NELL2: variants seen among roughly 807,000 people sequenced by gnomAD.
NELL2 encodes protein kinase C-binding protein NELL2.
A neutral mutation model predicts 109.6 loss-of-function variants in NELL2; 41 were observed. The ratio of observed to expected loss-of-function variants is 0.37; its 90% CI spans 0.29 to 0.49. The LOEUF (loss-of-function observed/expected upper bound fraction) is 0.49, where lower values mean the gene tolerates loss of function less well. Ranked by LOEUF, NELL2 falls within the 20% of genes least tolerant of loss-of-function variation. The pLI is 0.98. For synonymous variants in NELL2, 355 were observed against 344.7 expected (o/e 1.03, Z -0.33); for missense variants, 900 against 1,008.3 (o/e 0.89, Z 1.45).
At chr12:44,618,723 A>G (rs1945927887) in intron 13 of NELL2, among the ~76,000 whole-genome samples, 1 of 152,188 alleles carries the variant, frequency 6.6e-6, no homozygotes, top group South Asian at 2.1e-4. Context: ...TGATACGAAT[A>G]GATAACTAAC....
chr12:44,665,311 G>GT lies in NELL2; in HGVS notation c.1444+172dup, dbSNP rs566700335. The GT allele has an allele frequency of 4.3e-4, 206 of 480,954 alleles. 1 individual carries two copies. Among genetic ancestry groups the GT allele is most frequent in the Middle Eastern group, 1.2e-3 (2 of 1,682 alleles). 29.8% of individuals were successfully genotyped at this position (480,954 alleles called of 1,614,324 possible). A position where few individuals can be genotyped will look rare whatever the true frequency, so the allele number is the denominator to read the frequency against. On this transcript the variant is annotated intron_variant, in intron 13 of 19. Transcript: ENST00000429094. ...ATATATTTATCCAGAGCAAGCAGGT[G>GT]TTTTTTTTCTTTAGAACAGATTAAG...
Position 44,714,692 on chromosome 12 carries a change from T to G in NELL2, c.1044A>C (p.Thr348=), listed in dbSNP as rs1293933870. 6.2e-7 allele frequency: 1 copy of G among 1,604,368 alleles called. No individual in the cohort carries two copies. The highest frequency in any genetic ancestry group is 8.5e-7 in the Non-Finnish European group (1 of 1,176,254). The stretch of plus-strand genomic sequence containing the variant: ...CACATACTCCAGAAGAGGAATAGAC[T>G]GTATTTCTTTCTCCTTCAAAGTAGG... The part of the protein sequence containing the change: ...GRTYFEGERN[T]VYSSSGVCVL... Residue 348 remains threonine (T), a synonymous_variant, in exon 10 of 20, where the codon ACA becomes ACC. Coordinates refer to ENST00000429094, the MANE Select transcript of NELL2 (RefSeq NM_001145108.2).
At chr12:44,550,250 T>TA (rs1208981150) in intron 15 of NELL2, among the ~76,000 whole-genome samples, 1 of 151,924 alleles carries the variant, frequency 6.6e-6, no homozygotes, top group Non-Finnish European at 1.5e-5. Flanking sequence ...AACTTAAAAT[T>TA]AAAAAATCAA....
intron 15 of NELL2, among the ~76,000 whole-genome samples, chr12:44,544,131 G>A (rs538153423): frequency 2.6e-5 from 4 of 152,192 alleles, no homozygotes; most frequent in Admixed American, 1.3e-4. Flanking sequence ...GATACGATGC[G>A]AAATGAAGGT....
At position 44,768,292 on chromosome 12, in the gene NELL2, T is replaced by A. The variant is rs192002773; in HGVS notation, c.994+6455A>T. ...TTATAATGTTTAAAAGGTAGCAGCA[T>A]GCCAAGTGCCTTTTTAAAGGGTTTT... is the stretch of plus-strand genomic sequence containing the variant. On this transcript the variant is annotated intron_variant, in intron 9 of 19. Coordinates refer to ENST00000429094, the MANE Select transcript of NELL2 (RefSeq NM_001145108.2). Among the ~76,000 whole-genome samples the A allele has an allele frequency of 9.4e-5, 14 of 149,486 alleles. 1 individual carries two copies. The South Asian group carries it at 3.0e-3, about 32-fold the overall frequency.
rs34038469 is a variant in NELL2 at position 44,868,119 on chromosome 12, CAAAAAAAAAAAA to C, written c.184+7094_184+7105del. On this transcript the variant is annotated intron_variant, in intron 2 of 19. Coordinates refer to ENST00000429094, the MANE Select transcript of NELL2 (RefSeq NM_001145108.2). ...TAGGTGAAACAGTGAGGCTCCATCT[CAAAAAAAAAAAA>C]AAAAAAAAAAAATGAACTACCTGAA... Among the ~76,000 whole-genome samples the C allele has an allele frequency of 1.2e-3, 77 of 64,684 alleles. 1 individual carries two copies. Among genetic ancestry groups the C allele is most frequent in the African/African-American group, 4.9e-3 (73 of 15,038 alleles). The allele number at this position is 64,684 out of a possible 152,430, so 42.4% of individuals were successfully genotyped here. A position where few individuals can be genotyped will look rare whatever the true frequency, so the allele number is the denominator to read the frequency against.
chr12:44,847,731 G>T (rs913173417), intron 2 of NELL2, among the ~76,000 whole-genome samples: 1 of 151,904 alleles, frequency 6.6e-6, no homozygotes, highest in Non-Finnish European at 1.5e-5. Context: ...CTCTCTTGGG[G>T]TTTTGGCCTG....
intron 3 of NELL2, among the ~76,000 whole-genome samples, chr12:44,814,809 A>G (rs1336565405): frequency 6.6e-6 from 1 of 152,202 alleles, no homozygotes; most frequent in Non-Finnish European, 1.5e-5. Context: ...AGATTTTCTT[A>G]CGTTTGCTCT....
At position 44,876,205 on chromosome 12, in the gene NELL2, G is replaced by A. The variant is rs559693442; in HGVS notation, c.-336C>T. 9.1e-5 allele frequency: 110 copies of A among 1,209,076 alleles called. 1 individual carries two copies. The South Asian group carries it at 2.5e-3, about 28-fold the overall frequency. The allele number at this position is 1,209,076 out of a possible 1,614,324, so 74.9% of individuals were successfully genotyped here. A position where few individuals can be genotyped will look rare whatever the true frequency, so the allele number is the denominator to read the frequency against. On this transcript the variant is annotated 5_prime_UTR_variant, in exon 1 of 20. Transcript: ENST00000429094. ...CCCGAGCCGAATAAAAGCAGCCAAAGACTCGCACACCCGGTAGAAGGGGGG... is the reference window on the plus strand; with the variant it reads ...CCCGAGCCGAATAAAAGCAGCCAAAAACTCGCACACCCGGTAGAAGGGGGG...
At chr12:44,516,658 T>C (rs905829624) in intron 19 of NELL2, among the ~76,000 whole-genome samples, 9 of 152,272 alleles carry the variant, frequency 5.9e-5, no homozygotes, top group Admixed American at 2.6e-4. Context: ...GGGGAAATAA[T>C]TGCTTTCCAA....
intron 13 of NELL2, among the ~76,000 whole-genome samples, chr12:44,629,361 ATC>A: frequency 6.6e-6 from 1 of 152,370 alleles, no homozygotes; most frequent in South Asian, 2.1e-4. Context: ...CAATAGAATT[ATC>A]TAAAATCAGA....
intron 9 of NELL2, among the ~76,000 whole-genome samples, chr12:44,766,254 A>C (rs534095025): frequency 3.9e-5 from 6 of 152,314 alleles, no homozygotes; most frequent in African/African-American, 1.4e-4. Context: ...AAATATGTAC[A>C]GAAAACTGAA....
intron 2 of NELL2, among the ~76,000 whole-genome samples, chr12:44,827,474 A>T (rs1485636852): frequency 3.4e-5 from 5 of 146,592 alleles, no homozygotes; most frequent in Non-Finnish European, 6.0e-5. Context: ...CCCCCACCCA[A>T]CAATCCTTCC....
intron 12 of NELL2, among the ~76,000 whole-genome samples, chr12:44,680,268 G>A (rs1486157148): frequency 6.6e-6 from 1 of 152,174 alleles, no homozygotes; most frequent in Non-Finnish European, 1.5e-5. Context: ...TGACTGGATT[G>A]CATTGTTAGT....
intron 9 of NELL2, among the ~76,000 whole-genome samples, chr12:44,769,869 C>A (rs1941478939): frequency 6.6e-6 from 1 of 152,060 alleles, no homozygotes; most frequent in Admixed American, 6.6e-5. Context: ...TATGGATGAG[C>A]CTCACAAAGG....
intron 9 of NELL2, among the ~76,000 whole-genome samples, chr12:44,740,788 T>C (rs1939912805): frequency 1.3e-5 from 2 of 152,170 alleles, no homozygotes; most frequent in Admixed American, 6.5e-5. Flanking sequence ...TATGTGCCTC[T>C]GAATTTTAGA....
chr12:44,621,559 T>C (rs939400864), intron 13 of NELL2, among the ~76,000 whole-genome samples: 14 of 152,082 alleles, frequency 9.2e-5, no homozygotes, highest in African/African-American at 3.1e-4. Context: ...ATATGACCAT[T>C]CAAACCAAAT....
At chr12:44,887,814 C>T (rs1303022636) in intron 1 of NELL2, among the ~76,000 whole-genome samples, 1 of 151,926 alleles carries the variant, frequency 6.6e-6, no homozygotes, top group East Asian at 1.9e-4. Context: ...GTTTCCTTTG[C>T]TGTGCAGAAG....
At chr12:44,687,921 T>A (rs983362739) in intron 12 of NELL2, among the ~76,000 whole-genome samples, 2 of 152,190 alleles carry the variant, frequency 1.3e-5, no homozygotes, top group African/African-American at 4.8e-5. Context: ...TGAAAAATGA[T>A]AATAAATGGC....
Sources: allele counts gnomAD v4.1 joint callset (sites outside exome capture counted in the v4.1 genomes callset), GRCh38; gene constraint gnomAD v4.1.1; transcripts MANE v1.5; gene names NCBI Gene and HGNC (gene_info 2026-07-23, HGNC 2026-07-21).